The following HSD17B12 variants were observed in gnomAD, a reference collection of about 807,000 sequenced individuals.
The protein encoded by HSD17B12 is hydroxysteroid 17-beta dehydrogenase 12.
Under a neutral mutation model 39.3 loss-of-function variants are expected in HSD17B12, and 32 were observed. The observed-to-expected ratio is 0.81, with a 90% CI of 0.61 to 1.09. The LOEUF (loss-of-function observed/expected upper bound fraction) is 1.09, where lower values mean the gene tolerates loss of function less well. HSD17B12 is among the 50% of genes least tolerant of loss of function. The probability of loss-of-function intolerance (pLI) is 0.00; values close to 1 mark genes in which losing one functional copy is unlikely to be tolerated. For missense variants in HSD17B12, 342 were observed against 382.9 expected (o/e 0.89, Z 0.89); for synonymous variants, 150 against 146.7 (o/e 1.02, Z -0.16).
the HSD17B12 span, among the ~76,000 whole-genome samples, chr11:43,656,364 T>C: frequency 1.4e-4 from 21 of 152,174 alleles, no homozygotes; most frequent in African/African-American, 5.1e-4. Flanking sequence ...CCTGGATTCA[T>C]TGATTTTTTG....
At position 43,816,980 on chromosome 11, in the gene HSD17B12, A is replaced by ATATATC. The variant is rs57362643; in HGVS notation, c.501+649_501+654dup. Among the ~76,000 whole-genome samples, 1,050 of 132,836 alleles carry ATATATC rather than the reference A, an allele frequency of 7.9e-3. 17 individuals are homozygous for ATATATC. The highest frequency in any genetic ancestry group is 0.025 in the African/African-American group (864 of 34,638). The allele number at this position is 132,836 out of a possible 152,430, so 87.1% of individuals were successfully genotyped here. ...TTATGACTGAGTAGTATTCCATCAT[A>ATATATC]TATATCTATATCTATATCTATATCT... On this transcript the variant is annotated intron_variant, in intron 6 of 10. Transcript: ENST00000278353.
chr11:43,713,718 G>C (rs1312444307), intron 1 of HSD17B12, among the ~76,000 whole-genome samples: 1 of 152,112 alleles, frequency 6.6e-6, no homozygotes, highest in Non-Finnish European at 1.5e-5. Flanking sequence ...TTCCACAATG[G>C]TTGAACTAGT....
the HSD17B12 span, among the ~76,000 whole-genome samples, chr11:43,674,673 C>G: frequency 1.2e-4 from 19 of 152,182 alleles, no homozygotes; most frequent in Non-Finnish European, 2.5e-4. Context: ...CCTACACCAA[C>G]AATTATTGCC....
chr11:43,688,136 C>T (rs899598053), intron 1 of HSD17B12, among the ~76,000 whole-genome samples: 2 of 151,922 alleles, frequency 1.3e-5, no homozygotes, highest in Non-Finnish European at 2.9e-5. Context: ...AGCTTGAACC[C>T]AGGAGGCGGA....
At chr11:43,783,212 C>T (rs532441225) in intron 3 of HSD17B12, among the ~76,000 whole-genome samples, 2 of 152,124 alleles carry the variant, frequency 1.3e-5, no homozygotes, top group Non-Finnish European at 2.9e-5. Flanking sequence ...TAAAAATTGA[C>T]AGGCTCTGAG....
At chr11:43,587,523 T>G in the HSD17B12 span, among the ~76,000 whole-genome samples, 3 of 152,212 alleles carry the variant, frequency 2.0e-5, no homozygotes, top group African/African-American at 7.2e-5. Context: ...ATTTTTATTG[T>G]GATTTTGGTC....
chr11:43,799,367 G>A (rs1351247958), intron 4 of HSD17B12, among the ~76,000 whole-genome samples: 2 of 152,062 alleles, frequency 1.3e-5, no homozygotes, highest in Non-Finnish European at 1.5e-5. Flanking sequence ...CTGGGGTTCA[G>A]TCTTGTATTT....
At chr11:43,661,297 G>A in the HSD17B12 span, among the ~76,000 whole-genome samples, 13 of 152,152 alleles carry the variant, frequency 8.5e-5, no homozygotes, top group Admixed American at 1.3e-4. Context: ...GGTTATGATG[G>A]GTTGGGGGTC....
Position 43,682,510 on chromosome 11 carries a change from C to CCG in HSD17B12, c.160+1524_160+1525insGC, listed in dbSNP as rs1399343028. 5.3e-3 allele frequency among the ~76,000 whole-genome samples: 201 copies of CCG among 37,680 alleles called. 2 individuals are homozygous for CCG. The highest frequency in any genetic ancestry group is 0.019 in the African/African-American group (191 of 10,010). The allele number at this position is 37,680 out of a possible 152,430, so 24.7% of individuals were successfully genotyped here. ...TGAGCCGAGATCATGCCACTGCACTCCATCCAGCCTGGGTGACAGAGCGAG... is the reference window on the plus strand; with the variant it reads ...TGAGCCGAGATCATGCCACTGCACTCCGCATCCAGCCTGGGTGACAGAGCGAG... On this transcript the variant is annotated intron_variant, in intron 1 of 10. Coordinates refer to ENST00000278353, the MANE Select transcript of HSD17B12 (RefSeq NM_016142.3).
intron 3 of HSD17B12, among the ~76,000 whole-genome samples, chr11:43,771,459 A>ATTT (rs1950648349): frequency 1.1e-5 from 1 of 92,876 alleles, no homozygotes; most frequent in African/African-American, 4.0e-5. Context: ...GTGGACTCAT[A>ATTT]TTCTTTTTTT....
At chr11:43,716,005 C>G (rs1181022028) in intron 1 of HSD17B12, among the ~76,000 whole-genome samples, 1 of 152,100 alleles carries the variant, frequency 6.6e-6, no homozygotes, top group Non-Finnish European at 1.5e-5. Flanking sequence ...CTATAACATG[C>G]AAGCACCTTG....
intron 1 of HSD17B12, among the ~76,000 whole-genome samples, chr11:43,712,575 A>ACT (rs1444468668): frequency 6.6e-6 from 1 of 152,116 alleles, no homozygotes; most frequent in Non-Finnish European, 1.5e-5. Flanking sequence ...CCTCCCCTGC[A>ACT]CTGAGTTTTC....
At chr11:43,715,845 C>T (rs1437270052) in intron 1 of HSD17B12, among the ~76,000 whole-genome samples, 1 of 152,072 alleles carries the variant, frequency 6.6e-6, no homozygotes, top group African/African-American at 2.4e-5. Context: ...AAATTAATAG[C>T]AATGTGTATC....
the HSD17B12 span, among the ~76,000 whole-genome samples, chr11:43,643,973 T>C: frequency 6.6e-6 from 1 of 152,348 alleles, no homozygotes; most frequent in Admixed American, 6.5e-5. Flanking sequence ...AATGTTTCTC[T>C]GTCAAGGATA....
intron 1 of HSD17B12, chr11:43,734,380 C>T (rs545195281): frequency 4.7e-6 from 4 of 854,144 alleles, no homozygotes; most frequent in East Asian, 4.9e-5. Flanking sequence ...AAAAGGCGGC[C>T]ATCATCTCTG....
chr11:43,833,715 C>T (rs184951244), intron 7 of HSD17B12: 1 of 152,304 alleles, frequency 6.6e-6, no homozygotes, highest in Admixed American at 6.5e-5. Flanking sequence ...CATTGAGTAA[C>T]AGCAGAGTCC....
chr11:43,810,395 A>ATATATATATATATATG (rs1951060900), intron 4 of HSD17B12, among the ~76,000 whole-genome samples: 2 of 77,150 alleles, frequency 2.6e-5, no homozygotes, highest in African/African-American at 1.2e-4. Context: ...ATATATATAT[A>ATATATATATATATATG]TATATATAAA....
chr11:43,573,542 G>C, the HSD17B12 span, among the ~76,000 whole-genome samples: 244 of 152,282 alleles, frequency 1.6e-3, no homozygotes, highest in African/African-American at 5.5e-3. Context: ...AAGTTCTGAT[G>C]TGCATTTCTT....
At chr11:43,651,021 G>T in the HSD17B12 span, among the ~76,000 whole-genome samples, 1 of 152,174 alleles carries the variant, frequency 6.6e-6, no homozygotes, top group Non-Finnish European at 1.5e-5. Context: ...TATCCCATAA[G>T]GGGAGAGTAA....
Sources: gnomAD v4.1 joint callset for allele counts (sites outside exome capture counted in the v4.1 genomes callset) on GRCh38, gnomAD v4.1.1 for gene constraint, MANE v1.5 for transcripts, NCBI Gene and HGNC (gene_info 2026-07-23, HGNC 2026-07-21) for gene names.